Variants in NRXN3 observed in about 807,000 individuals in gnomAD.
NRXN3 encodes the protein neurexin III.
In NRXN3, 32 loss-of-function variants were observed where a neutral mutation model predicts 137.6. The observed-to-expected ratio is 0.23, with a 90% confidence interval of 0.18 to 0.31. The LOEUF (loss-of-function observed/expected upper bound fraction) is 0.31. NRXN3 is among the 10% of genes least tolerant of loss of function. NRXN3 has a pLI of 1.00. For synonymous variants in NRXN3, 798 were observed against 784.5 expected (o/e 1.02, Z -0.29); for missense variants, 1,574 against 2,062.5 (o/e 0.76, Z 4.59).
chr14:79,078,190 T>G (rs1232017164), intron 15 of NRXN3, among the ~76,000 whole-genome samples: 1 of 152,158 alleles, frequency 6.6e-6, no homozygotes, highest in Non-Finnish European at 1.5e-5. Flanking sequence ...AATCAAACTT[T>G]AGAGGTCATT....
At chr14:79,815,543 G>A (rs2099249033) in intron 20 of NRXN3, among the ~76,000 whole-genome samples, 1 of 152,100 alleles carries the variant, frequency 6.6e-6, no homozygotes, top group Non-Finnish European at 1.5e-5. Context: ...ACTTTCTGAT[G>A]AAAGAAGGAA....
At chr14:79,790,096 A>C (rs2099140532) in intron 19 of NRXN3, among the ~76,000 whole-genome samples, 7 of 152,144 alleles carry the variant, frequency 4.6e-5, no homozygotes, top group Admixed American at 4.6e-4. Context: ...CTTATGTGTT[A>C]GTCTATGTTC....
chr14:79,347,724 A>G (rs1289518742), intron 15 of NRXN3, among the ~76,000 whole-genome samples: 2 of 152,076 alleles, frequency 1.3e-5, no homozygotes, highest in Non-Finnish European at 2.9e-5. Flanking sequence ...CCTGGCCAAC[A>G]TTTCCCTTTT....
Position 79,136,417 on chromosome 14 carries a change from G to A in NRXN3, c.3262+148276G>A, listed in dbSNP as rs138133319. 6.6e-3 allele frequency among the ~76,000 whole-genome samples: 1,012 copies of A among 152,220 alleles called. 31 individuals carry two copies. Among genetic ancestry groups the A allele is most frequent in the Admixed American group, 0.062 (950 of 15,292 alleles). ...CATAGTTTCTCCTGTTTCCTTTTCC[G>A]TTAATGACCAACTTTATATACACTC... On this transcript the variant is annotated intron_variant, in intron 15 of 20. Transcript: ENST00000335750.
chr14:78,904,266 GGA>G (rs2099207577), intron 10 of NRXN3, among the ~76,000 whole-genome samples: 1 of 151,940 alleles, frequency 6.6e-6, no homozygotes, highest in South Asian at 2.1e-4. Flanking sequence ...GTCACAACTG[GGA>G]GAGAGGGTGT....
chr14:78,957,015 T>A (rs1303553107), intron 10 of NRXN3, among the ~76,000 whole-genome samples: 3 of 152,198 alleles, frequency 2.0e-5, no homozygotes, highest in African/African-American at 7.2e-5. Context: ...GAAGGCACTA[T>A]TTTTTTCATT....
chr14:79,535,794 G>T (rs373171839), intron 16 of NRXN3, among the ~76,000 whole-genome samples: 5 of 152,118 alleles, frequency 3.3e-5, no homozygotes, highest in Admixed American at 6.5e-5. Flanking sequence ...GTCTGACTAG[G>T]AACTTCTGGT....
intron 4 of NRXN3, among the ~76,000 whole-genome samples, chr14:78,513,500 C>T (rs747830936): frequency 2.6e-5 from 4 of 152,064 alleles, no homozygotes; most frequent in Non-Finnish European, 4.4e-5. Context: ...TTATAGTTTT[C>T]GAAAGACTGT....
chr14:78,876,029 A>C (rs1015307925), intron 10 of NRXN3, among the ~76,000 whole-genome samples: 5 of 152,170 alleles, frequency 3.3e-5, no homozygotes, highest in Non-Finnish European at 5.9e-5. Context: ...TCTTATGTCT[A>C]TCAGCCCAGC....
At chr14:79,199,124 G>A (rs1287270821) in intron 15 of NRXN3, among the ~76,000 whole-genome samples, 5 of 151,680 alleles carry the variant, frequency 3.3e-5, no homozygotes, top group South Asian at 4.2e-4. Context: ...CCAAGATGGC[G>A]CCACTGCGCT....
chr14:79,237,561 CT>C (rs1445206606), intron 15 of NRXN3, among the ~76,000 whole-genome samples: 1 of 152,044 alleles, frequency 6.6e-6, no homozygotes, highest in East Asian at 1.9e-4. Flanking sequence ...GGCTCCTTCC[CT>C]TGTCTCTTGG....
intron 20 of NRXN3, among the ~76,000 whole-genome samples, chr14:79,807,506 T>C (rs8011654): frequency 0.1 from 15,944 of 152,210 alleles, 1,145 homozygotes; most frequent in African/African-American, 0.19. Context: ...GAGACTTGAA[T>C]AGCGTAAACC....
At chr14:78,295,638 C>T (rs1273424575) in intron 3 of NRXN3, among the ~76,000 whole-genome samples, 4 of 152,144 alleles carry the variant, frequency 2.6e-5, no homozygotes, top group Admixed American at 2.0e-4. Context: ...ACTTGGGCAA[C>T]TTGTTTAAAA....
chr14:78,318,742 G>T (rs2078993974), intron 4 of NRXN3, among the ~76,000 whole-genome samples: 1 of 152,164 alleles, frequency 6.6e-6, no homozygotes, highest in African/African-American at 2.4e-5. Context: ...AGGTAGAACA[G>T]AATGAGTTCC....
chr14:79,844,505 T>C lies in NRXN3; in HGVS notation c.4094-16837T>C, dbSNP rs532716487. Among the ~76,000 whole-genome samples, 5 of 152,198 alleles carry C rather than the reference T, an allele frequency of 3.3e-5. 1 individual carries two copies. The South Asian group carries it at 8.3e-4, about 25-fold the overall frequency. ...GATCCATGCACAGCAGAATGGATGT[T>C]GTGTTAGCAGGCACGAAAACAATGT... is the stretch of plus-strand genomic sequence containing the variant. On this transcript the variant is annotated intron_variant, in intron 20 of 20. Transcript: ENST00000335750.
intron 4 of NRXN3, among the ~76,000 whole-genome samples, chr14:78,481,782 A>G (rs1567714104): frequency 6.6e-6 from 1 of 152,202 alleles, no homozygotes. Context: ...ACAAACAGAA[A>G]GGATATCCCC....
At chr14:78,764,479 C>T (rs534482319) in intron 8 of NRXN3, among the ~76,000 whole-genome samples, 2 of 152,254 alleles carry the variant, frequency 1.3e-5, no homozygotes, top group South Asian at 4.1e-4. Context: ...CGTTAAGCTG[C>T]CCACCTATCA....
At chr14:79,601,526 A>G (rs1376966692) in intron 16 of NRXN3, among the ~76,000 whole-genome samples, 3 of 152,158 alleles carry the variant, frequency 2.0e-5, no homozygotes. Context: ...CTTTATTGCC[A>G]AGGTACTACG....
chr14:79,300,944 C>T (rs2085040376), intron 15 of NRXN3, among the ~76,000 whole-genome samples: 1 of 152,088 alleles, frequency 6.6e-6, no homozygotes, highest in African/African-American at 2.4e-5. Flanking sequence ...AAGAGCATTA[C>T]TTCAGATTAG....
Sources: gnomAD v4.1 joint callset for allele counts (sites outside exome capture counted in the v4.1 genomes callset) on GRCh38, gnomAD v4.1.1 for gene constraint, MANE v1.5 for transcripts, NCBI Gene and HGNC (gene_info 2026-07-23, HGNC 2026-07-21) for gene names.